The following MEF2C variants were observed in gnomAD, a reference collection of about 807,000 sequenced individuals.
MEF2C encodes myocyte enhancer factor 2C, also known as myocyte-specific enhancer factor 2C.
In MEF2C, 6 loss-of-function variants were observed where a neutral mutation model predicts 50.5. That is an observed-to-expected ratio of 0.12 (90% CI 0.07 to 0.23). The LOEUF (loss-of-function observed/expected upper bound fraction) is 0.23, where lower values mean the gene tolerates loss of function less well. Among genes scored for constraint, MEF2C ranks in the 10% least tolerant of loss-of-function variants. The probability of loss-of-function intolerance (pLI) is 1.00; values close to 1 mark genes in which losing one functional copy is unlikely to be tolerated. For missense variants in MEF2C, 276 were observed against 605.0 expected, an observed-to-expected ratio of 0.46 and a Z score of 5.70; for synonymous variants, 183 against 228.0, an observed-to-expected ratio of 0.80 and a Z score of 1.78.
intron 1 of MEF2C, among the ~76,000 whole-genome samples, chr5:88,867,069 T>A (rs1471254237): frequency 6.6e-6 from 1 of 152,194 alleles, no homozygotes; most frequent in East Asian, 1.9e-4. Context: ...TTTTCGCAAA[T>A]AGTAAGACAT....
chr5:88,798,456 A>C (rs764834001), intron 3 of MEF2C, among the ~76,000 whole-genome samples: 1 of 152,006 alleles, frequency 6.6e-6, no homozygotes, highest in African/African-American at 2.4e-5. Context: ...TGTATGCTTA[A>C]CAAAGTTCTT....
At chr5:88,846,687 A>C (rs555820791) in intron 1 of MEF2C, among the ~76,000 whole-genome samples, 4 of 152,288 alleles carry the variant, frequency 2.6e-5, no homozygotes, top group Non-Finnish European at 4.4e-5. Flanking sequence ...TGTCAGTCAC[A>C]TGAGTTGGAG....
At chr5:88,788,424 G>A (rs1385925965) in intron 3 of MEF2C, among the ~76,000 whole-genome samples, 6 of 151,402 alleles carry the variant, frequency 4.0e-5, no homozygotes, top group African/African-American at 1.5e-4. Flanking sequence ...AGGCCAGGCT[G>A]GTCTTGAACT....
At chr5:88,729,400 A>C (rs568032169) in intron 8 of MEF2C, 53 bp from the exon 9 acceptor site, 1 of 1,457,848 alleles carries the variant, frequency 6.9e-7, no homozygotes, top group African/African-American at 1.4e-5. Context: ...AAAGTTAAAA[A>C]TATTAGATTT....
At chr5:88,873,154 T>C (rs2149910299) in intron 1 of MEF2C, among the ~76,000 whole-genome samples, 1 of 152,152 alleles carries the variant, frequency 6.6e-6, no homozygotes. Flanking sequence ...CCAATAACTG[T>C]ACCACTTCCT....
chr5:88,881,891 G>C (rs752773138), intron 1 of MEF2C, among the ~76,000 whole-genome samples: 2 of 152,114 alleles, frequency 1.3e-5, no homozygotes, highest in African/African-American at 4.8e-5. Flanking sequence ...CTCCACTGAG[G>C]ACCGGTTAAG....
intron 10 of MEF2C, among the ~76,000 whole-genome samples, 199 bp from the exon 11 acceptor site, chr5:88,723,124 A>C (rs1329568743): frequency 1.3e-5 from 2 of 152,190 alleles, no homozygotes; most frequent in African/African-American, 4.8e-5. Flanking sequence ...GCCCGGTAGT[A>C]ATTACAGCAT....
intron 2 of MEF2C, among the ~76,000 whole-genome samples, chr5:88,806,345 A>G (rs1310170905): frequency 1.3e-5 from 2 of 152,098 alleles, no homozygotes; most frequent in Non-Finnish European, 1.5e-5. Context: ...CAGACACCCA[A>G]TGCATGTCCT....
chr5:88,887,988 A>C (rs1382189955), upstream of MEF2C, among the ~76,000 whole-genome samples: 1 of 152,262 alleles, frequency 6.6e-6, no homozygotes, highest in African/African-American at 2.4e-5. Context: ...GAATTACAGA[A>C]GAATGTCAAA....
chr5:88,901,162 G>T (rs1234544688), intron 1 of MEF2C, among the ~76,000 whole-genome samples: 2 of 151,960 alleles, frequency 1.3e-5, no homozygotes, highest in Non-Finnish European at 2.9e-5. Context: ...CAGTAGAAAT[G>T]ATTCCCCACT....
In MEF2C at chr5:88,747,981, CGA is replaced by C. The variant is rs1318839064; in HGVS notation, c.637+1087_637+1088del. 3 of 892,482 alleles carry C rather than the reference CGA, an allele frequency of 3.4e-6. No individual in the cohort carries two copies. In the African/African-American group the frequency reaches 5.4e-5, roughly 16 times the overall value. The allele number at this position is 892,482 out of a possible 1,614,324, so 55.3% of individuals were successfully genotyped here. ...CGTGAGTTTACACACTAATTTGGCTCGACCTAATTTTCAAAAGATATATAAAA... is the reference window on the plus strand; with the variant it reads ...CGTGAGTTTACACACTAATTTGGCTCCCTAATTTTCAAAAGATATATAAAA... On this transcript the variant is annotated intron_variant, in intron 6 of 10. Coordinates refer to ENST00000504921, the MANE Select transcript of MEF2C (RefSeq NM_002397.5).
intron 1 of MEF2C, among the ~76,000 whole-genome samples, chr5:88,851,774 A>G (rs532676827): frequency 5.1e-4 from 78 of 152,256 alleles, no homozygotes; most frequent in Non-Finnish European, 9.3e-4. Context: ...ATGCATTTAT[A>G]TTTGTGTGAA....
chr5:88,739,592 G>A, intron 6 of MEF2C: 1 of 984,960 alleles, frequency 1.0e-6, no homozygotes, highest in Non-Finnish European at 1.2e-6. Flanking sequence ...TCTACTGGAA[G>A]TGACAGTTGA....
chr5:88,749,434 A>G, intron 5 of MEF2C: 4 of 984,820 alleles, frequency 4.1e-6, no homozygotes, highest in Non-Finnish European at 4.8e-6. Flanking sequence ...AGAAAGTGAA[A>G]GAAAGAGTAA....
chr5:88,793,303 G>C (rs1455097461), intron 3 of MEF2C, among the ~76,000 whole-genome samples: 1 of 151,860 alleles, frequency 6.6e-6, no homozygotes, highest in Non-Finnish European at 1.5e-5. Flanking sequence ...ATGTACGTAT[G>C]TACGATGTGG....
At chr5:88,766,674 G>T (rs1471011709) in intron 3 of MEF2C, 1 of 985,334 alleles carries the variant, frequency 1.0e-6, no homozygotes, top group Non-Finnish European at 1.2e-6. Flanking sequence ...GAAACCTGGA[G>T]AAACCCCCAA....
intron 3 of MEF2C, among the ~76,000 whole-genome samples, chr5:88,782,633 C>T (rs1450570457): frequency 1.3e-5 from 2 of 152,164 alleles, no homozygotes; most frequent in Non-Finnish European, 2.9e-5. Context: ...ATGAATATTT[C>T]TGAAGCAACT....
chr5:88,811,347 A>T (rs1454872689), intron 2 of MEF2C, among the ~76,000 whole-genome samples: 1 of 152,184 alleles, frequency 6.6e-6, no homozygotes, highest in Non-Finnish European at 1.5e-5. Flanking sequence ...GAGATTCAAA[A>T]CAAGGGAAAA....
In MEF2C at chr5:88,717,429, A is replaced by T. The variant is rs1414510188; in HGVS notation, c.*5175T>A. On this transcript the variant is annotated 3_prime_UTR_variant, in exon 11 of 11. Coordinates refer to ENST00000504921, the MANE Select transcript of MEF2C (RefSeq NM_002397.5). Reference sequence around the variant, plus strand: ...AATGCCTTTTATCTCCTATTAGTTTATAAGTTTCCTAAGAGAAAGGGCTAC... The same window carrying T: ...AATGCCTTTTATCTCCTATTAGTTTTTAAGTTTCCTAAGAGAAAGGGCTAC... 2 of 152,220 alleles carry T rather than the reference A, an allele frequency of 1.3e-5. No individual in the cohort carries two copies. The highest frequency in any genetic ancestry group is 6.5e-5 in the Admixed American group (1 of 15,282). The allele number at this position is 152,220 out of a possible 1,614,324, so 9.4% of individuals were successfully genotyped here.
Sources: allele counts gnomAD v4.1 joint callset (sites outside exome capture counted in the v4.1 genomes callset), GRCh38; gene constraint gnomAD v4.1.1; transcripts MANE v1.5; gene names NCBI Gene and HGNC (gene_info 2026-07-23, HGNC 2026-07-21).